Variants in FOXP2 observed in about 807,000 individuals in gnomAD.
The protein encoded by FOXP2 is forkhead box protein P2.
A neutral mutation model predicts 115.8 loss-of-function variants in FOXP2; 12 were observed. The ratio of observed to expected loss-of-function variants is 0.10; its 90% CI spans 0.07 to 0.17. The LOEUF (loss-of-function observed/expected upper bound fraction) is 0.17. Ranked by LOEUF, FOXP2 falls within the 10% of genes least tolerant of loss-of-function variation. The pLI, the probability that FOXP2 is intolerant of heterozygous loss-of-function variation, is 1.00. For synonymous variants in FOXP2, 328 were observed against 297.7 expected (o/e 1.10, Z -1.05); for missense variants, 629 against 843.5 (o/e 0.75, Z 3.15).
chr7:114,677,983 G>A (rs1043269586), intron 16 of FOXP2, among the ~76,000 whole-genome samples: 12 of 152,176 alleles, frequency 7.9e-5, no homozygotes, highest in Non-Finnish European at 1.8e-4. Context: ...TAAGTACATA[G>A]GTAGTATCAG....
intron 3 of FOXP2, among the ~76,000 whole-genome samples, chr7:114,611,982 A>T (rs1803653440): frequency 6.6e-6 from 1 of 152,214 alleles, no homozygotes; most frequent in African/African-American, 2.4e-5. Context: ...AAAATAATTT[A>T]GGTTCATTAT....
intron 2 of FOXP2, among the ~76,000 whole-genome samples, chr7:114,451,676 C>T (rs1282076405): frequency 6.6e-6 from 1 of 151,922 alleles, no homozygotes; most frequent in Non-Finnish European, 1.5e-5. Flanking sequence ...CATCATTTAC[C>T]TAGCACAGTA....
intron 1 of FOXP2, among the ~76,000 whole-genome samples, chr7:114,196,083 G>T (rs1281402148): frequency 6.6e-6 from 1 of 152,074 alleles, no homozygotes. Context: ...CGTGATCTCG[G>T]CTCACTGTAC....
intron 7 of FOXP2, among the ~76,000 whole-genome samples, 189 bp downstream of exon 7, chr7:114,642,812 A>ATATATATATATATTTTTTTTTTT (rs1308357594): frequency 1.4e-5 from 1 of 72,436 alleles, no homozygotes; most frequent in East Asian, 3.1e-4. Context: ...ATATATATAT[A>ATATATATATATATTTTTTTTTTT]TTTTTTTTTT....
intron 3 of FOXP2, among the ~76,000 whole-genome samples, chr7:114,567,093 G>A (rs767251393): frequency 5.3e-5 from 8 of 152,042 alleles, no homozygotes; most frequent in Non-Finnish European, 1.2e-4. Context: ...CTACTGATAA[G>A]TTGAAGACAG....
intron 2 of FOXP2, among the ~76,000 whole-genome samples, chr7:114,329,717 C>G (rs897312495): frequency 2.0e-5 from 3 of 151,484 alleles, no homozygotes; most frequent in Non-Finnish European, 4.4e-5. Flanking sequence ...TGCTCTGTTG[C>G]CCAGGCTGGA....
intron 2 of FOXP2, among the ~76,000 whole-genome samples, chr7:114,346,998 C>T (rs867806377): frequency 2.6e-5 from 4 of 151,442 alleles, no homozygotes; most frequent in Non-Finnish European, 4.4e-5. Context: ...AGCCCATAAA[C>T]GTAGAATTAC....
At chr7:114,484,331 A>G (rs915797842) in intron 2 of FOXP2, among the ~76,000 whole-genome samples, 6 of 151,854 alleles carry the variant, frequency 4.0e-5, no homozygotes, top group African/African-American at 1.4e-4. Context: ...TTTCAAACTC[A>G]GTTTCTACTA....
At chr7:114,562,831 T>C (rs1800819694) in intron 3 of FOXP2, among the ~76,000 whole-genome samples, 1 of 152,188 alleles carries the variant, frequency 6.6e-6, no homozygotes, top group Non-Finnish European at 1.5e-5. Context: ...TTATCTTCCA[T>C]TCCTTTTTTG....
At chr7:114,648,064 A>G (rs1053129720) in intron 8 of FOXP2, among the ~76,000 whole-genome samples, 1 of 152,094 alleles carries the variant, frequency 6.6e-6, no homozygotes, top group African/African-American at 2.4e-5. Context: ...ATGAAGAGCA[A>G]TAGAAAACAG....
intron 2 of FOXP2, among the ~76,000 whole-genome samples, chr7:114,331,266 T>G (rs1216212440): frequency 6.6e-6 from 1 of 152,214 alleles, no homozygotes. Flanking sequence ...CCTGAGCCTG[T>G]AATAAAGTCC....
At chr7:114,477,659 T>A (rs1796340579) in intron 2 of FOXP2, among the ~76,000 whole-genome samples, 1 of 151,782 alleles carries the variant, frequency 6.6e-6, no homozygotes, top group Non-Finnish European at 1.5e-5. Context: ...TTGAAAGTAA[T>A]CTCTCTATAT....
intron 2 of FOXP2, among the ~76,000 whole-genome samples, chr7:114,361,231 G>A (rs1012111062): frequency 2.6e-5 from 4 of 151,990 alleles, no homozygotes; most frequent in Non-Finnish European, 5.9e-5. Flanking sequence ...ATGTCAATAA[G>A]AACTTGAAAG....
At chr7:114,502,397 T>A (rs1000299145) in intron 2 of FOXP2, among the ~76,000 whole-genome samples, 1 of 152,152 alleles carries the variant, frequency 6.6e-6, no homozygotes, top group African/African-American at 2.4e-5. Flanking sequence ...AATTACTTTG[T>A]TCTCCAACAG....
At chr7:114,424,941 G>A (rs1049278158) in intron 1 of FOXP2, among the ~76,000 whole-genome samples, 14 of 151,084 alleles carry the variant, frequency 9.3e-5, no homozygotes, top group African/African-American at 3.2e-4. Context: ...CTTGATAAGA[G>A]TAGGAAAAGT....
At chr7:114,609,470 G>C (rs1305481006) in intron 3 of FOXP2, among the ~76,000 whole-genome samples, 1 of 152,104 alleles carries the variant, frequency 6.6e-6, no homozygotes, top group Non-Finnish European at 1.5e-5. Context: ...ATATTGTAAA[G>C]CATTCGATAT....
intron 2 of FOXP2, among the ~76,000 whole-genome samples, chr7:114,353,081 T>A (rs1791532173): frequency 6.6e-6 from 1 of 152,042 alleles, no homozygotes; most frequent in Non-Finnish European, 1.5e-5. Flanking sequence ...CACATCAACC[T>A]CTCACCACTG....
At chr7:114,357,375 A>G (rs773420189) in intron 2 of FOXP2, among the ~76,000 whole-genome samples, 10 of 152,188 alleles carry the variant, frequency 6.6e-5, no homozygotes, top group Non-Finnish European at 1.3e-4. Context: ...TGATTCAGCC[A>G]TAACTAGAAA....
intron 16 of FOXP2, among the ~76,000 whole-genome samples, chr7:114,682,845 A>G (rs960418056): frequency 2.0e-5 from 3 of 152,280 alleles, no homozygotes; most frequent in Admixed American, 6.5e-5. Flanking sequence ...AGAGATAATT[A>G]TAATAGAAAT....
Sources: allele counts gnomAD v4.1 joint callset (sites outside exome capture counted in the v4.1 genomes callset), GRCh38; gene constraint gnomAD v4.1.1; transcripts MANE v1.5; gene names NCBI Gene and HGNC (gene_info 2026-07-23, HGNC 2026-07-21).